Variants in PID1 observed in about 807,000 individuals in gnomAD.
PID1 encodes PTB-containing, cubilin and LRP1-interacting protein.
A neutral mutation model predicts 19.1 loss-of-function variants in PID1; 10 were observed. That is an observed-to-expected ratio of 0.52 (90% CI 0.32 to 0.89). The LOEUF is 0.89. PID1 is among the 40% of genes least tolerant of loss of function. The pLI is 0.03. For synonymous variants in PID1, 130 were observed against 116.0 expected, an observed-to-expected ratio of 1.12 and a Z score of -0.78; for missense variants, 248 against 285.3, an observed-to-expected ratio of 0.87 and a Z score of 0.94.
chr2:229,262,912 A>T (rs1407482336), intron 1 of PID1: 18 of 1,484,652 alleles, frequency 1.2e-5, no homozygotes, highest in Non-Finnish European at 1.5e-5. Context: ...GACATTAGTC[A>T]TTGGCTCTAG....
intron 2 of PID1, among the ~76,000 whole-genome samples, chr2:229,026,862 C>G (rs922611814): frequency 2.6e-5 from 4 of 152,156 alleles, no homozygotes; most frequent in African/African-American, 7.2e-5. Context: ...CCAAACGATT[C>G]AAATACTGTC....
chr2:229,129,634 T>C (rs1689680771), intron 2 of PID1, among the ~76,000 whole-genome samples: 1 of 152,226 alleles, frequency 6.6e-6, no homozygotes, highest in African/African-American at 2.4e-5. Flanking sequence ...TTATCATTAC[T>C]ATCTCAGAAG....
chr2:229,155,537 C>T (rs1368411477), intron 2 of PID1, among the ~76,000 whole-genome samples: 1 of 150,718 alleles, frequency 6.6e-6, no homozygotes, highest in Non-Finnish European at 1.5e-5. Flanking sequence ...CACACCACTG[C>T]ACTCCAGCCT....
At chr2:229,256,881 T>G (rs1478074464) in intron 1 of PID1, among the ~76,000 whole-genome samples, 1 of 152,132 alleles carries the variant, frequency 6.6e-6, no homozygotes, top group African/African-American at 2.4e-5. Flanking sequence ...TATTTTTAAG[T>G]TGAGAAAATA....
At chr2:229,110,563 G>A (rs142601764) in intron 2 of PID1, among the ~76,000 whole-genome samples, 128 of 152,292 alleles carry the variant, frequency 8.4e-4, no homozygotes, top group Non-Finnish European at 1.6e-3. Flanking sequence ...GGTCATCAAA[G>A]TGCTGCCAAA....
Position 229,024,390 on chromosome 2 carries a change from T to C in PID1, c.*1242A>G, listed in dbSNP as rs1003293965. ...TTAACAAATACAATTTCATTCTATG[T>C]TGACTCTGTGTTTATAATATTTAAA... On this transcript the variant is annotated 3_prime_UTR_variant, in exon 3 of 3. Coordinates refer to ENST00000392055, the MANE Select transcript of PID1 (RefSeq NM_001100818.2). The C allele has an allele frequency of 1.3e-5, 2 of 152,552 alleles. No individual in the cohort carries two copies. Among genetic ancestry groups the C allele is most frequent in the African/African-American group, 2.4e-5 (1 of 41,456 alleles). The allele number at this position is 152,552 out of a possible 1,614,324, so 9.4% of individuals were successfully genotyped here.
At chr2:229,156,649 C>T (rs1431194400) in intron 1 of PID1, among the ~76,000 whole-genome samples, 1 of 152,184 alleles carries the variant, frequency 6.6e-6, no homozygotes, top group African/African-American at 2.4e-5. Context: ...GGTCCCATCA[C>T]TTCCAACTTT....
intron 1 of PID1, among the ~76,000 whole-genome samples, chr2:229,179,909 G>A (rs1690903117): frequency 6.6e-6 from 1 of 152,148 alleles, no homozygotes; most frequent in Non-Finnish European, 1.5e-5. Flanking sequence ...AGGCCCATCT[G>A]CCCAGACTCA....
At chr2:229,106,093 A>G (rs901600278) in intron 2 of PID1, among the ~76,000 whole-genome samples, 2 of 151,254 alleles carry the variant, frequency 1.3e-5, no homozygotes, top group Non-Finnish European at 1.5e-5. Context: ...AAAAAAAGGG[A>G]AAAGAAGAAG....
chr2:229,035,453 C>T (rs1386162222), intron 2 of PID1, among the ~76,000 whole-genome samples: 1 of 151,916 alleles, frequency 6.6e-6, no homozygotes, highest in African/African-American at 2.4e-5. Context: ...CCTCTCCACC[C>T]CCCTCCTTCC....
At position 229,266,152 on chromosome 2, in the gene PID1, AAAC is replaced by A. The variant is rs377411279; in HGVS notation, c.30+4859_30+4861del. ...GTGCTTACTCAACTACAATTGATGA[AAAC>A]AACAACAAAATCTAGAATGGGTTTA... On this transcript the variant is annotated intron_variant, in intron 1 of 2. Coordinates refer to ENST00000392055, the MANE Select transcript of PID1 (RefSeq NM_001100818.2). Among the ~76,000 whole-genome samples the A allele has an allele frequency of 2.2e-4, 33 of 152,026 alleles. No homozygotes were observed. In the South Asian group the frequency reaches 3.1e-3, roughly 14 times the overall value.
chr2:229,134,544 T>G (rs6436843), intron 2 of PID1, among the ~76,000 whole-genome samples: 1 of 151,826 alleles, frequency 6.6e-6, no homozygotes, highest in African/African-American at 2.4e-5. Context: ...ACCTGGCCAC[T>G]GTTGTTATCT....
intron 2 of PID1, among the ~76,000 whole-genome samples, chr2:229,081,530 C>A (rs1694668940): frequency 6.6e-6 from 1 of 152,148 alleles, no homozygotes; most frequent in Admixed American, 6.5e-5. Context: ...CACTGAAGGG[C>A]TTGGGAGAGG....
intron 2 of PID1, among the ~76,000 whole-genome samples, chr2:229,077,157 C>A (rs1164734084): frequency 6.6e-6 from 1 of 152,078 alleles, no homozygotes; most frequent in Non-Finnish European, 1.5e-5. Context: ...ATGATGAGTT[C>A]TTTTTCATGT....
chr2:229,264,480 C>A (rs1464884690), intron 1 of PID1, among the ~76,000 whole-genome samples: 2 of 152,106 alleles, frequency 1.3e-5, no homozygotes, highest in Admixed American at 1.3e-4. Context: ...GGTATGTGGC[C>A]CCCAAGTCCC....
chr2:229,073,316 C>T (rs547847336), intron 2 of PID1, among the ~76,000 whole-genome samples: 5 of 152,276 alleles, frequency 3.3e-5, no homozygotes, highest in East Asian at 3.9e-4. Flanking sequence ...TGAGCCACCG[C>T]GCCCAGCCAA....
intron 1 of PID1, among the ~76,000 whole-genome samples, chr2:229,228,238 T>C (rs1692125297): frequency 6.6e-6 from 1 of 152,046 alleles, no homozygotes; most frequent in South Asian, 2.1e-4. Flanking sequence ...CTTGTTCATA[T>C]GACTATGAAA....
chr2:229,047,448 G>T (rs1481903651), intron 2 of PID1, among the ~76,000 whole-genome samples: 1 of 152,096 alleles, frequency 6.6e-6, no homozygotes, highest in Non-Finnish European at 1.5e-5. Flanking sequence ...ACTAAGTAAT[G>T]ATCTAATTAG....
At chr2:229,199,069 G>A (rs1366947885) in intron 1 of PID1, among the ~76,000 whole-genome samples, 1 of 151,900 alleles carries the variant, frequency 6.6e-6, no homozygotes, top group African/African-American at 2.4e-5. Flanking sequence ...CAATGTTCTA[G>A]ATACTGTGGC....
Sources: allele counts gnomAD v4.1 joint callset (sites outside exome capture counted in the v4.1 genomes callset), GRCh38; gene constraint gnomAD v4.1.1; transcripts MANE v1.5; gene names NCBI Gene and HGNC (gene_info 2026-07-23, HGNC 2026-07-21).